Variants in ANK3 observed in about 807,000 individuals in gnomAD.
ANK3 encodes the protein ankyrin-3.
In ANK3, 57 loss-of-function variants were observed where a neutral mutation model predicts 370.9. The ratio of observed to expected loss-of-function variants is 0.15; its 90% CI spans 0.12 to 0.19. The LOEUF (loss-of-function observed/expected upper bound fraction) is 0.19, where lower values mean the gene tolerates loss of function less well. Among genes scored for constraint, ANK3 ranks in the 10% least tolerant of loss-of-function variants. The pLI is 1.00. For synonymous variants in ANK3, 1,929 were observed against 1,946.3 expected, an observed-to-expected ratio of 0.99 and a Z score of 0.23; for missense variants, 4,439 against 5,302.1, an observed-to-expected ratio of 0.84 and a Z score of 5.06.
In ANK3 at chr10:60,122,127, TC is replaced by T. The variant is rs1425538117; in HGVS notation, c.2842-7797del. Among the ~76,000 whole-genome samples the T allele has an allele frequency of 5.3e-5, 8 of 152,316 alleles. No homozygotes were observed. The East Asian group carries it at 1.5e-3, about 29-fold the overall frequency. The stretch of plus-strand genomic sequence containing the variant: ...CCACTTGTTAATGAAAACACTTCTT[TC>T]CCACTCCCGATTTTTCCAGTTTGAA... On this transcript the variant is annotated intron_variant, in intron 25 of 43. Transcript: ENST00000280772.
At chr10:60,360,077 C>T (rs1449857473) in intron 1 of ANK3, among the ~76,000 whole-genome samples, 3 of 152,142 alleles carry the variant, frequency 2.0e-5, no homozygotes, top group African/African-American at 7.2e-5. Flanking sequence ...TTTTTAGGAT[C>T]CATAAAATAG....
intron 21 of ANK3, among the ~76,000 whole-genome samples, chr10:60,168,587 C>T (rs1211125686): frequency 6.6e-6 from 1 of 152,100 alleles, no homozygotes; most frequent in East Asian, 1.9e-4. Flanking sequence ...GCAGGACATG[C>T]AGGTTTGTTA....
rs2072700061 is a variant in ANK3 at position 60,029,017 on chromosome 10, A to G, written c.*829T>C. On this transcript the variant is annotated 3_prime_UTR_variant, in exon 44 of 44. Transcript: ENST00000280772. ...ATTTAATCAAAATAAGGTGATACAC[A>G]TGCATCAAAATATTAGTATTCTGAA... is the stretch of plus-strand genomic sequence containing the variant. 6.6e-6 allele frequency: 1 copy of G among 152,652 alleles called. No homozygotes were observed. Among genetic ancestry groups the G allele is most frequent in the African/African-American group, 2.4e-5 (1 of 41,452 alleles). 9.5% of individuals were successfully genotyped at this position (152,652 alleles called of 1,614,324 possible). A position where few individuals can be genotyped will look rare whatever the true frequency, so the allele number is the denominator to read the frequency against.
intron 2 of ANK3, among the ~76,000 whole-genome samples, chr10:60,547,515 C>T (rs1299728266): frequency 1.3e-5 from 2 of 152,094 alleles, no homozygotes; most frequent in Non-Finnish European, 2.9e-5. Flanking sequence ...CCTGCCCCAG[C>T]CTCCCAAGTA....
intron 2 of ANK3, among the ~76,000 whole-genome samples, chr10:60,427,956 C>T (rs1021192711): frequency 1.3e-5 from 2 of 152,102 alleles, no homozygotes. Flanking sequence ...CATCTTAACA[C>T]CTCAGATCTT....
chr10:60,695,539 A>G (rs2079434227), intron 1 of ANK3, among the ~76,000 whole-genome samples: 1 of 152,190 alleles, frequency 6.6e-6, no homozygotes, highest in South Asian at 2.1e-4. Context: ...AACAGAAATT[A>G]TAACAAACTG....
chr10:60,192,157 A>G (rs1463428821), intron 16 of ANK3, among the ~76,000 whole-genome samples: 1 of 151,984 alleles, frequency 6.6e-6, no homozygotes, highest in Non-Finnish European at 1.5e-5. Context: ...CTTCCAAAGT[A>G]GTGGGATTAC....
At chr10:60,185,298 G>C (rs1277576256) in intron 17 of ANK3, among the ~76,000 whole-genome samples, 1 of 152,068 alleles carries the variant, frequency 6.6e-6, no homozygotes, top group Non-Finnish European at 1.5e-5. Context: ...GATTGTTATG[G>C]AGTAACCTTT....
intron 2 of ANK3, among the ~76,000 whole-genome samples, chr10:60,475,281 C>T (rs1283116209): frequency 6.7e-6 from 1 of 149,432 alleles, no homozygotes; most frequent in East Asian, 1.9e-4. Flanking sequence ...AAATACACGT[C>T]AACTATGACA....
At chr10:60,360,752 C>T (rs1017090856) in intron 1 of ANK3, among the ~76,000 whole-genome samples, 5 of 151,880 alleles carry the variant, frequency 3.3e-5, no homozygotes, top group Admixed American at 6.6e-5. Flanking sequence ...CAGGATATCC[C>T]GGGAGACAGG....
Position 60,073,736 on chromosome 10 carries a change from G to C in ANK3, c.7145C>G (p.Ala2382Gly), listed in dbSNP as rs1487990394. 1.9e-6 allele frequency: 3 copies of C among 1,613,744 alleles called. No individual in the cohort carries two copies. Among genetic ancestry groups the C allele is most frequent in the East Asian group, 2.2e-5 (1 of 44,880 alleles). The part of the protein sequence containing the change: ...LKDFLPEKHD[A>G]FPCSEEQGQQ... ...ACCCTGTTCCTCTGAACAAGGAAAA[G>C]CATCGTGTTTTTCTGGCAGAAAATC... The change falls in exon 37 of 44, where the codon GCT (alanine) becomes GGT (glycine). Residue 2382 changes from alanine (A) to glycine (G), a missense_variant. Coordinates refer to ENST00000280772, the MANE Select transcript of ANK3 (RefSeq NM_020987.5).
intron 1 of ANK3, among the ~76,000 whole-genome samples, chr10:60,728,039 T>C (rs945215254): frequency 6.6e-6 from 1 of 152,186 alleles, no homozygotes; most frequent in African/African-American, 2.4e-5. Context: ...TCCAACTCCA[T>C]GTTCATCGCC....
At chr10:60,527,426 A>G (rs1161344986) in intron 2 of ANK3, among the ~76,000 whole-genome samples, 1 of 152,126 alleles carries the variant, frequency 6.6e-6, no homozygotes, top group Non-Finnish European at 1.5e-5. Flanking sequence ...GAGAGAGAGA[A>G]GGGTTCAGAA....
chr10:60,323,505 G>A (rs1455187676), intron 1 of ANK3, among the ~76,000 whole-genome samples: 2 of 152,174 alleles, frequency 1.3e-5, no homozygotes, highest in South Asian at 2.1e-4. Context: ...CGACATGTGG[G>A]TGGTGATTTT....
chr10:60,688,267 T>C (rs2079297724), intron 1 of ANK3, among the ~76,000 whole-genome samples: 1 of 152,082 alleles, frequency 6.6e-6, no homozygotes, highest in South Asian at 2.1e-4. Flanking sequence ...GGTTTTGCCA[T>C]GTTGGCCAGG....
intron 36 of ANK3, among the ~76,000 whole-genome samples, chr10:60,077,719 A>G (rs2084155381): frequency 6.6e-6 from 1 of 152,186 alleles, no homozygotes; most frequent in South Asian, 2.1e-4. Flanking sequence ...AACTACATTC[A>G]TATTTTTAAC....
intron 2 of ANK3, among the ~76,000 whole-genome samples, chr10:60,432,615 A>G (rs2064054142): frequency 6.6e-6 from 1 of 152,230 alleles, no homozygotes; most frequent in African/African-American, 2.4e-5. Context: ...AATAATGATG[A>G]CAAAATAATA....
chr10:60,614,379 A>T (rs1415021221), intron 2 of ANK3, among the ~76,000 whole-genome samples: 7 of 152,212 alleles, frequency 4.6e-5, no homozygotes, highest in Non-Finnish European at 1.0e-4. Flanking sequence ...GTTTCAATAA[A>T]TTCTCACAAT....
chr10:60,043,771 T>G, intron 42 of ANK3: 1 of 985,466 alleles, frequency 1.0e-6, no homozygotes, highest in Non-Finnish European at 1.2e-6. Flanking sequence ...AGCACTGCTC[T>G]GAGGTTTGGT....
Sources: allele counts gnomAD v4.1 joint callset (sites outside exome capture counted in the v4.1 genomes callset), GRCh38; gene constraint gnomAD v4.1.1; transcripts MANE v1.5; gene names NCBI Gene and HGNC (gene_info 2026-07-23, HGNC 2026-07-21).